Variants in LRMDA observed in about 807,000 individuals in gnomAD.
The protein encoded by LRMDA is leucine-rich melanocyte differentiation-associated protein.
LRMDA carries 18 observed loss-of-function variants against 29.8 expected under a neutral mutation model. The ratio of observed to expected loss-of-function variants is 0.60; its 90% CI spans 0.42 to 0.90. LRMDA has a LOEUF of 0.90. Ranked by LOEUF, LRMDA falls within the 40% of genes least tolerant of loss-of-function variation. The pLI, the probability that LRMDA is intolerant of heterozygous loss-of-function variation, is 0.00. For missense variants in LRMDA, 273 were observed against 273.9 expected (o/e 1.00, Z 0.02); for synonymous variants, 125 against 109.4 (o/e 1.14, Z -0.89).
At chr10:76,047,841 C>T (rs1166063846) in intron 4 of LRMDA, among the ~76,000 whole-genome samples, 1 of 152,202 alleles carries the variant, frequency 6.6e-6, no homozygotes, top group Non-Finnish European at 1.5e-5. Flanking sequence ...GTCCCACAGG[C>T]CCATACCTCT....
chr10:76,502,126 C>T (rs1308343173), intron 6 of LRMDA, among the ~76,000 whole-genome samples: 1 of 151,868 alleles, frequency 6.6e-6, no homozygotes, highest in East Asian at 1.9e-4. Context: ...AGTCCTTTTC[C>T]CATTGCCTAT....
rs1841536796 is a variant in LRMDA at position 76,377,575 on chromosome 10, C to T, written c.601+53090C>T. On this transcript the variant is annotated intron_variant, in intron 6 of 6. Coordinates refer to ENST00000611255, the MANE Select transcript of LRMDA (RefSeq NM_001305581.2). ...TTTGTATCTGGTGAGACATATGGGT[C>T]CAGTTTCATTCTTTCGCATATGGCT... 1.3e-5 allele frequency among the ~76,000 whole-genome samples: 2 copies of T among 152,050 alleles called. 1 individual carries two copies. The highest frequency in any genetic ancestry group is 1.3e-4 in the Admixed American group (2 of 15,258).
intron 2 of LRMDA, among the ~76,000 whole-genome samples, chr10:75,935,287 C>T (rs1004464073): frequency 6.6e-6 from 1 of 152,132 alleles, no homozygotes; most frequent in African/African-American, 2.4e-5. Context: ...GCAAATCCCC[C>T]GGATGAACAA....
intron 2 of LRMDA, chr10:75,450,697 AT>A (rs1844450832): frequency 6.6e-6 from 1 of 152,230 alleles, no homozygotes; most frequent in African/African-American, 2.4e-5. Context: ...AATAGTAGCA[AT>A]TGCATATTTA....
At chr10:76,316,827 C>G (rs1266428734) in intron 5 of LRMDA, among the ~76,000 whole-genome samples, 1 of 152,206 alleles carries the variant, frequency 6.6e-6, no homozygotes, top group African/African-American at 2.4e-5. Context: ...CTCCATCATA[C>G]TTCTTTGGAT....
intron 2 of LRMDA, among the ~76,000 whole-genome samples, chr10:75,873,329 G>A (rs1229018660): frequency 6.6e-6 from 1 of 152,180 alleles, no homozygotes; most frequent in Non-Finnish European, 1.5e-5. Context: ...TGGAAAAACA[G>A]TACAAATGAA....
chr10:75,513,090 A>G (rs1433118597), intron 2 of LRMDA, among the ~76,000 whole-genome samples: 1 of 152,160 alleles, frequency 6.6e-6, no homozygotes, highest in African/African-American at 2.4e-5. Context: ...GAGCCTTACC[A>G]CTTGGGGTAG....
At chr10:76,387,924 G>A (rs2132479851) in intron 6 of LRMDA, among the ~76,000 whole-genome samples, 1 of 152,280 alleles carries the variant, frequency 6.6e-6, no homozygotes, top group Admixed American at 6.5e-5. Flanking sequence ...GACTGTGAGT[G>A]ATTTTTTTGA....
rs981294973 is a variant in LRMDA, at chr10:75,937,856, C to G, written c.132-98152C>G. ...CAGGCATGTATGATACACAAGGTGA[C>G]CCTACCAACTTAATGACATAATACA... On this transcript the variant is annotated intron_variant, in intron 2 of 6. Coordinates refer to ENST00000611255, the MANE Select transcript of LRMDA (RefSeq NM_001305581.2). Among the ~76,000 whole-genome samples the G allele has an allele frequency of 2.0e-5, 3 of 152,276 alleles. No individual in the cohort carries two copies. The East Asian group carries it at 5.8e-4, about 29-fold the overall frequency.
rs528337858 is a variant in LRMDA at position 75,698,157 on chromosome 10, CGG to C, written c.131+259666_131+259667del. Among the ~76,000 whole-genome samples the C allele has an allele frequency of 1.6e-4, 25 of 152,262 alleles. No individual in the cohort carries two copies. The South Asian group carries it at 4.8e-3, about 29-fold the overall frequency. ...CAGAGCTGGCAGGTGAACCCTTCCA[CGG>C]GGCTTCCTTCCTCCCTGTTCCCACC... is the stretch of plus-strand genomic sequence containing the variant. On this transcript the variant is annotated intron_variant, in intron 2 of 6. Coordinates refer to ENST00000611255, the MANE Select transcript of LRMDA (RefSeq NM_001305581.2).
At chr10:76,291,175 A>G (rs1018731237) in intron 5 of LRMDA, among the ~76,000 whole-genome samples, 3 of 152,178 alleles carry the variant, frequency 2.0e-5, no homozygotes, top group Non-Finnish European at 4.4e-5. Context: ...GGGATGCAAC[A>G]TTCACAATTT....
chr10:76,130,281 G>A (rs193179122), intron 5 of LRMDA, among the ~76,000 whole-genome samples: 1 of 152,256 alleles, frequency 6.6e-6, no homozygotes, highest in East Asian at 1.9e-4. Context: ...TACATATGTT[G>A]CTAGCCCATC....
chr10:75,781,388 G>T (rs935014859), intron 2 of LRMDA, among the ~76,000 whole-genome samples: 2 of 152,102 alleles, frequency 1.3e-5, no homozygotes, highest in African/African-American at 2.4e-5. Context: ...GAATGGAGAT[G>T]ATATTATGAT....
chr10:75,484,273 C>T (rs1340355433), intron 2 of LRMDA, among the ~76,000 whole-genome samples: 3 of 152,052 alleles, frequency 2.0e-5, no homozygotes, highest in Non-Finnish European at 2.9e-5. Flanking sequence ...GATTTTCTAA[C>T]CTACTAATAT....
chr10:76,347,074 C>T (rs1316172021), intron 6 of LRMDA, among the ~76,000 whole-genome samples: 2 of 152,066 alleles, frequency 1.3e-5, no homozygotes, highest in Non-Finnish European at 2.9e-5. Flanking sequence ...AATACTGCAT[C>T]GACAGAATTT....
intron 2 of LRMDA, among the ~76,000 whole-genome samples, chr10:75,901,196 TG>T (rs1462674575): frequency 6.6e-6 from 1 of 152,216 alleles, no homozygotes; most frequent in Non-Finnish European, 1.5e-5. Context: ...GAGTAGCCTC[TG>T]TGCTCTAGCA....
chr10:75,916,747 C>T (rs764281946), intron 2 of LRMDA, among the ~76,000 whole-genome samples: 1 of 152,124 alleles, frequency 6.6e-6, no homozygotes. Context: ...TCTCCAGGTG[C>T]GAAAACACGC....
At chr10:75,592,330 GTC>G (rs1840733309) in intron 2 of LRMDA, among the ~76,000 whole-genome samples, 1 of 152,174 alleles carries the variant, frequency 6.6e-6, no homozygotes, top group Non-Finnish European at 1.5e-5. Flanking sequence ...CTTTTTGTTT[GTC>G]TGTTTGTGTT....
At chr10:76,513,015 G>T (rs921403223) in intron 6 of LRMDA, among the ~76,000 whole-genome samples, 5 of 152,128 alleles carry the variant, frequency 3.3e-5, no homozygotes, top group Non-Finnish European at 7.4e-5. Context: ...CAGTAGTCAA[G>T]GTGAGGCATA....
Sources: allele counts gnomAD v4.1 joint callset (sites outside exome capture counted in the v4.1 genomes callset), GRCh38; gene constraint gnomAD v4.1.1; transcripts MANE v1.5; gene names NCBI Gene and HGNC (gene_info 2026-07-23, HGNC 2026-07-21).